Variants in ATP6AP1 observed in about 807,000 individuals in gnomAD.
ATP6AP1 encodes the protein ATPase H+ transporting accessory protein 1.
In ATP6AP1, 1 loss-of-function variant was observed where a neutral mutation model predicts 32.0. The ratio of observed to expected loss-of-function variants is 0.03; its 90% CI spans 0.01 to 0.15. ATP6AP1 has a LOEUF of 0.15. Ranked by LOEUF, ATP6AP1 falls within the 10% of genes least tolerant of loss-of-function variation. The pLI is 1.00. For missense variants in ATP6AP1, 297 were observed against 398.8 expected (o/e 0.74, Z 2.17); for synonymous variants, 187 against 174.9 (o/e 1.07, Z -0.55).
intron 7 of ATP6AP1, among the ~76,000 whole-genome samples, chrX:154,434,876 G>A (rs970047053): frequency 5.4e-5 from 6 of 111,674 alleles, no homozygotes; most frequent in Non-Finnish European, 9.4e-5. Context: ...TAAAAGGAGG[G>A]GCAGTGAGCT....
intron 5 of ATP6AP1, 109 bp downstream of exon 5, chrX:154,433,080 T>G (rs2068702570): frequency 3.4e-5 from 32 of 942,941 alleles, no homozygotes; most frequent in Non-Finnish European, 4.6e-5. Context: ...GTGGCCCGCC[T>G]GCTTCTCGGG....
Position 154,435,403 on chromosome X carries a change from C to T in ATP6AP1, c.1101C>T (p.Tyr367=), listed in dbSNP as rs781850155. The change falls in exon 9 of 10, where the codon TAC becomes TAT. Residue 367 remains tyrosine, a synonymous_variant. Coordinates refer to ENST00000369762, the MANE Select transcript of ATP6AP1 (RefSeq NM_001183.6). ...CCCAGGTCACAGGGCCCAGCATCTACTCCTTCCACTGCGAGTATGTCAGCA... is the reference window on the plus strand; with the variant it reads ...CCCAGGTCACAGGGCCCAGCATCTATTCCTTCCACTGCGAGTATGTCAGCA... ...NASQVTGPSI[Y]SFHCEYVSSL... is the part of the protein sequence containing the mutation. The T allele has an allele frequency of 4.1e-6, 5 of 1,210,877 alleles. No individual in the cohort carries two copies. The African/African-American group carries it at 5.2e-5, about 13-fold the overall frequency.
Position 154,432,443 on chromosome X carries a change from C to T in ATP6AP1, c.541C>T (p.Leu181=), listed in dbSNP as rs782690734. 5.1e-6 allele frequency: 6 copies of T among 1,186,057 alleles called. No homozygotes were observed. In the African/African-American group the frequency reaches 7.0e-5, roughly 14 times the overall value. ...CCTCCCTGCTCTGCTGCTCATTCGC[C>T]TGCCCTACACAGCCAGGTACTGCCC... ...ASLPALLLIR[L]PYTASSGLMA... Residue 181 remains leucine (L), a synonymous_variant, in exon 4 of 10, where the codon CTG becomes TTG. Coordinates refer to ENST00000369762, the MANE Select transcript of ATP6AP1 (RefSeq NM_001183.6).
At position 154,429,250 on chromosome X, in the gene ATP6AP1, C is replaced by G. The variant is rs1557196418; in HGVS notation, c.288+76C>G. 3 of 1,136,989 alleles carry G rather than the reference C, an allele frequency of 2.6e-6. No homozygotes were observed. The South Asian group carries it at 5.8e-5, about 22-fold the overall frequency. 93.7% of individuals were successfully genotyped at this position (1,136,989 alleles called of 1,213,427 possible). ...CCCCTCCCCCCATGACACTGACGCC[C>G]ATTCCCCAAGGGAAGCTTCAGTGAC... is the stretch of plus-strand genomic sequence containing the variant. On this transcript the variant is annotated intron_variant, in intron 2 of 9. Coordinates refer to ENST00000369762, the MANE Select transcript of ATP6AP1 (RefSeq NM_001183.6).
rs1284771165 is a variant in ATP6AP1 at position 154,435,784 on chromosome X, A to G, written c.1306A>G (p.Met436Val). The change falls in exon 10 of 10, where the codon ATG becomes GTG. Residue 436 changes from methionine (M) to valine (V), a missense_variant. Around this residue, in one of 2 missense-constraint regions of ATP6AP1, gnomAD observed 155 missense variants for 253.8 expected, o/e 0.61. Transcript: ENST00000369762. ...IWMGLLTSLF[M>V]LFIFTYGLHM... ...GATGGGGCTGCTCACCTCCCTGTTC[A>G]TGCTCTTCATCTTCACCTATGGCCT... The G allele has an allele frequency of 2.5e-6, 3 of 1,211,360 alleles. No homozygotes were observed. The highest frequency in any genetic ancestry group is 1.8e-5 in the South Asian group (1 of 56,990).
rs2068717615 is a variant in ATP6AP1, at chrX:154,435,957, G to A, written c.*66G>A. 6.8e-6 allele frequency: 7 copies of A among 1,029,760 alleles called. No homozygotes were observed. The East Asian group carries it at 9.1e-5, about 13-fold the overall frequency. 84.9% of individuals were successfully genotyped at this position (1,029,760 alleles called of 1,213,427 possible). A position where few individuals can be genotyped will look rare whatever the true frequency, so the allele number is the denominator to read the frequency against. ...TGTTGTTGCTTTCCCACCCTGCAGC[G>A]CACTGGACTGAAGAGCTTCCCTCTT... On this transcript the variant is annotated 3_prime_UTR_variant, in exon 10 of 10. Coordinates refer to ENST00000369762, the MANE Select transcript of ATP6AP1 (RefSeq NM_001183.6).
At chrX:154,432,212 G>C in intron 3 of ATP6AP1, 54 bp from the exon 4 acceptor site, 1 of 1,096,010 alleles carries the variant, frequency 9.1e-7, no homozygotes, top group Admixed American at 2.5e-5. Context: ...GGGGGGCTGG[G>C]CCAGGCCCAC....
At chrX:154,429,252 T>G in intron 2 of ATP6AP1, 78 bp downstream of exon 2, 1 of 1,113,458 alleles carries the variant, frequency 9.0e-7, no homozygotes, top group Non-Finnish European at 1.2e-6. Flanking sequence ...CTGACGCCCA[T>G]TCCCCAAGGG....
chrX:154,436,055 T>G lies in ATP6AP1; in HGVS notation c.*164T>G. ...TCTTCAGCCCGCTGAGGAGCTTTCTTGGGCTGCCCCCATCTCTCCCAACAA... is the reference window on the plus strand; with the variant it reads ...TCTTCAGCCCGCTGAGGAGCTTTCTGGGGCTGCCCCCATCTCTCCCAACAA... On this transcript the variant is annotated 3_prime_UTR_variant, in exon 10 of 10. Coordinates refer to ENST00000369762, the MANE Select transcript of ATP6AP1 (RefSeq NM_001183.6). 1 of 507,155 alleles carries G rather than the reference T, an allele frequency of 2.0e-6. No homozygotes were observed. Among genetic ancestry groups the G allele is most frequent in the Non-Finnish European group, 3.3e-6 (1 of 306,661 alleles). 41.8% of individuals were successfully genotyped at this position (507,155 alleles called of 1,213,427 possible). A position where few individuals can be genotyped will look rare whatever the true frequency, so the allele number is the denominator to read the frequency against.
chrX:154,430,631 C>T (rs1250048210), intron 2 of ATP6AP1: 3 of 111,605 alleles, frequency 2.7e-5, no homozygotes, highest in East Asian at 5.6e-4. Flanking sequence ...AATACTAAGT[C>T]GGTATAGGAT....
At chrX:154,429,235 C>G (rs2068681626) in intron 2 of ATP6AP1, 61 bp downstream of exon 2, 1 of 1,163,565 alleles carries the variant, frequency 8.6e-7, no homozygotes, top group African/African-American at 1.8e-5. Context: ...CCCCTCCCCC[C>G]ATGACACTGA....
chrX:154,435,502 C>A lies in ATP6AP1; in HGVS notation c.1200C>A (p.Phe400Leu). 8.3e-7 allele frequency: 1 copy of A among 1,210,314 alleles called. No individual in the cohort carries two copies. The highest frequency in any genetic ancestry group is 1.1e-6 in the Non-Finnish European group (1 of 894,971). ...PSPWQMMLQD[F>L]QIQAFNVMGE... is the part of the protein sequence containing the mutation. Reference sequence around the variant, plus strand: ...CCTGGCAGATGATGCTTCAGGACTTCCAGGTATGGAGCGGGCGTGGCCCAG... The same window carrying A: ...CCTGGCAGATGATGCTTCAGGACTTACAGGTATGGAGCGGGCGTGGCCCAG... Residue 400 changes from phenylalanine (F) to leucine (L), a missense_variant, in exon 9 of 10, where the codon TTC becomes TTA. Physicochemically the swap from Phe to Leu is conservative, Grantham distance 22. Coordinates refer to ENST00000369762, the MANE Select transcript of ATP6AP1 (RefSeq NM_001183.6).
intron 7 of ATP6AP1, 69 bp from the exon 8 acceptor site, chrX:154,435,070 A>T: frequency 8.8e-7 from 1 of 1,135,848 alleles, no homozygotes; most frequent in Non-Finnish European, 1.2e-6. Flanking sequence ...GAGCTGAGGA[A>T]CTTGTTCCTC....
In ATP6AP1 at chrX:154,435,814, A is replaced by G; in HGVS notation, c.1336A>G (p.Met446Val). ...CTTCATCTTCACCTATGGCCTGCAC[A>G]TGATCCTCAGCCTCAAGACCATGGA... ...MLFIFTYGLH[M>V]ILSLKTMDRF... Residue 446 changes from methionine (M) to valine (V), a missense_variant, in exon 10 of 10, where the codon ATG becomes GTG. Transcript: ENST00000369762. 3.3e-6 allele frequency: 4 copies of G among 1,211,865 alleles called. No individual in the cohort carries two copies. Among genetic ancestry groups the G allele is most frequent in the Non-Finnish European group, 4.5e-6 (4 of 895,465 alleles).
chrX:154,432,835 G>A (rs1275196206), intron 4 of ATP6AP1, 96 bp from the exon 5 acceptor site: 3 of 1,022,253 alleles, frequency 2.9e-6, no homozygotes, highest in African/African-American at 1.9e-5. Context: ...TGGTGCGTGG[G>A]GCTAGTGGGG....
At chrX:154,431,094 A>G (rs1269437792) in intron 2 of ATP6AP1, 1 of 108,455 alleles carries the variant, frequency 9.2e-6, no homozygotes, top group African/African-American at 3.4e-5. Context: ...CCGACTGAGA[A>G]CCCCGGTGGC....
intron 5 of ATP6AP1, 34 bp downstream of exon 5, chrX:154,433,005 C>G: frequency 8.3e-7 from 1 of 1,203,593 alleles, no homozygotes; most frequent in African/African-American, 1.7e-5. Flanking sequence ...ACGTCCTCAT[C>G]TAGCCCTTGG....
Position 154,436,289 on chromosome X carries a change from C to T in ATP6AP1, c.*398C>T, listed in dbSNP as rs1286368888. On this transcript the variant is annotated 3_prime_UTR_variant, in exon 10 of 10. Coordinates refer to ENST00000369762, the MANE Select transcript of ATP6AP1 (RefSeq NM_001183.6). ...TGAGTTTGGGAGTGTGGAAGTACTACTTAACTGTCTGTCCTGCTTGGCTGT... is the reference window on the plus strand; with the variant it reads ...TGAGTTTGGGAGTGTGGAAGTACTATTTAACTGTCTGTCCTGCTTGGCTGT... 5.9e-6 allele frequency: 1 copy of T among 169,003 alleles called. No individual in the cohort carries two copies. Among genetic ancestry groups the T allele is most frequent in the African/African-American group, 3.0e-5 (1 of 33,090 alleles). 13.9% of individuals were successfully genotyped at this position (169,003 alleles called of 1,213,427 possible).
rs782108324 is a variant in ATP6AP1 at position 154,435,478 on chromosome X, C to T, written c.1176C>T (p.Pro392=). 8.3e-7 allele frequency: 1 copy of T among 1,211,783 alleles called. No individual in the cohort carries two copies. The highest frequency in any genetic ancestry group is 1.1e-6 in the Non-Finnish European group (1 of 895,598). The change falls in exon 9 of 10, where the codon CCC becomes CCT. Residue 392 remains proline (P), a synonymous_variant. Coordinates refer to ENST00000369762, the MANE Select transcript of ATP6AP1 (RefSeq NM_001183.6). ...TCGTGGCCCGCACGCAGCCCTCTCCCTGGCAGATGATGCTTCAGGACTTCC... is the reference window on the plus strand; with the variant it reads ...TCGTGGCCCGCACGCAGCCCTCTCCTTGGCAGATGATGCTTCAGGACTTCC... The part of the protein sequence containing the change: ...SLLVARTQPS[P]WQMMLQDFQI...
Sources: allele counts gnomAD v4.1 joint callset (sites outside exome capture counted in the v4.1 genomes callset), GRCh38; gene constraint gnomAD v4.1.1; regional missense constraint gnomAD v4.1.1; transcripts MANE v1.5; gene names NCBI Gene and HGNC (gene_info 2026-07-23, HGNC 2026-07-21).